Variants in THRB observed in about 807,000 individuals in gnomAD.
THRB encodes the protein thyroid hormone receptor beta.
In THRB, 12 loss-of-function variants were observed where a neutral mutation model predicts 47.8. That is an observed-to-expected ratio of 0.25 (90% CI 0.16 to 0.41). THRB has a LOEUF of 0.41. Ranked by LOEUF, THRB falls within the 10% of genes least tolerant of loss-of-function variation. The probability of loss-of-function intolerance (pLI) is 1.00; values close to 1 mark genes in which losing one functional copy is unlikely to be tolerated. For missense variants in THRB, 348 were observed against 589.2 expected (o/e 0.59, Z 4.24); for synonymous variants, 218 against 212.2 (o/e 1.03, Z -0.24).
chr3:24,408,645 G>C lies in THRB; in HGVS notation c.-260-71274C>G, dbSNP rs1317186661. Reference sequence around the variant, plus strand: ...TTTGACAGATTTTCTGTGATTAGATGCATTAAGAAATACAATCAGCATTAA... The same window carrying C: ...TTTGACAGATTTTCTGTGATTAGATCCATTAAGAAATACAATCAGCATTAA... On this transcript the variant is annotated intron_variant, in intron 1 of 10. Transcript: ENST00000646209. Among the ~76,000 whole-genome samples the C allele has an allele frequency of 9.9e-5, 15 of 151,786 alleles. 1 individual carries two copies.
At chr3:24,318,777 G>A (rs989472703) in intron 2 of THRB, among the ~76,000 whole-genome samples, 22 of 152,228 alleles carry the variant, frequency 1.4e-4, no homozygotes, top group African/African-American at 5.1e-4. Flanking sequence ...CCTGTGCATT[G>A]TTTATCAAGG....
intron 1 of THRB, among the ~76,000 whole-genome samples, chr3:24,360,493 C>T (rs1414789551): frequency 6.6e-6 from 1 of 152,162 alleles, no homozygotes; most frequent in Non-Finnish European, 1.5e-5. Context: ...CTCTATCCTG[C>T]TTCTCAAACA....
At chr3:24,399,820 A>G (rs1366007461) in intron 1 of THRB, among the ~76,000 whole-genome samples, 1 of 152,092 alleles carries the variant, frequency 6.6e-6, no homozygotes, top group East Asian at 1.9e-4. Context: ...CTGACTCTAC[A>G]CTGACATTCT....
chr3:24,222,988 C>T (rs1286885648), intron 4 of THRB, among the ~76,000 whole-genome samples: 2 of 152,178 alleles, frequency 1.3e-5, no homozygotes, highest in African/African-American at 4.8e-5. Flanking sequence ...ATGCCAGGAG[C>T]GTGTCCATCT....
intron 1 of THRB, among the ~76,000 whole-genome samples, chr3:24,369,914 C>G (rs2149732962): frequency 6.6e-6 from 1 of 152,274 alleles, no homozygotes; most frequent in Non-Finnish European, 1.5e-5. Flanking sequence ...GGAACTAACT[C>G]TGGAAACTAA....
chr3:24,387,821 A>G (rs1416239409), intron 1 of THRB, among the ~76,000 whole-genome samples: 3 of 152,102 alleles, frequency 2.0e-5, no homozygotes, highest in Admixed American at 6.6e-5. Context: ...ATCCTGTTCC[A>G]CTAGCTTCTG....
chr3:24,144,855 C>T (rs978261028), intron 7 of THRB: 20 of 151,914 alleles, frequency 1.3e-4, no homozygotes, highest in Non-Finnish European at 2.5e-4. Context: ...TCCAGTTCTA[C>T]GACATCACTG....
chr3:24,283,828 C>G (rs1426264826), intron 3 of THRB, among the ~76,000 whole-genome samples: 2 of 151,944 alleles, frequency 1.3e-5, no homozygotes, highest in Non-Finnish European at 2.9e-5. Context: ...CTCCCATTCA[C>G]AATTGCTACA....
chr3:24,342,838 T>C (rs901684039), intron 1 of THRB, among the ~76,000 whole-genome samples: 2 of 152,294 alleles, frequency 1.3e-5, no homozygotes, highest in East Asian at 1.9e-4. Context: ...ATGCCCAGGC[T>C]GCAGCAACTA....
At chr3:24,233,021 C>G (rs187656683) in intron 3 of THRB, among the ~76,000 whole-genome samples, 1 of 152,226 alleles carries the variant, frequency 6.6e-6, no homozygotes, top group African/African-American at 2.4e-5. Context: ...GCAGGTGGAG[C>G]CTTCCTCTGC....
chr3:24,278,947 T>A (rs146161879), intron 3 of THRB, among the ~76,000 whole-genome samples: 3 of 150,366 alleles, frequency 2.0e-5, no homozygotes, highest in Non-Finnish European at 4.4e-5. Context: ...TGGGATCAAG[T>A]GATCCTTCCC....
At chr3:24,272,377 A>ACAACAAC (rs1559791569) in intron 3 of THRB, among the ~76,000 whole-genome samples, 10 of 146,006 alleles carry the variant, frequency 6.8e-5, no homozygotes, top group African/African-American at 2.1e-4. Context: ...ACAACAAACA[A>ACAACAAC]AAACAAACAA....
At chr3:24,260,017 T>C (rs1156951509) in intron 3 of THRB, among the ~76,000 whole-genome samples, 4 of 152,148 alleles carry the variant, frequency 2.6e-5, no homozygotes, top group Admixed American at 6.5e-5. Context: ...TCTCATCATC[T>C]TAAAAAGAAA....
At chr3:24,183,098 C>CT (rs979365254) in intron 5 of THRB, among the ~76,000 whole-genome samples, 1 of 151,822 alleles carries the variant, frequency 6.6e-6, no homozygotes, top group Admixed American at 6.6e-5. Flanking sequence ...TTGCTATGGA[C>CT]TTTTTTTTCA....
intron 2 of THRB, among the ~76,000 whole-genome samples, chr3:24,303,802 T>TA (rs2057131324): frequency 6.6e-6 from 1 of 152,236 alleles, no homozygotes; most frequent in Admixed American, 6.5e-5. Context: ...CTAAGTTTTT[T>TA]AAAAATGGCT....
At chr3:24,316,709 C>A (rs891865263) in intron 2 of THRB, among the ~76,000 whole-genome samples, 3 of 152,110 alleles carry the variant, frequency 2.0e-5, no homozygotes, top group African/African-American at 7.2e-5. Context: ...AAGCTAAAGT[C>A]CTACTTCTCA....
chr3:24,411,094 G>C (rs1455911430), intron 1 of THRB, among the ~76,000 whole-genome samples: 1 of 151,776 alleles, frequency 6.6e-6, no homozygotes, highest in East Asian at 2.0e-4. Context: ...CTGCTGTGAA[G>C]CTGGCTTTTT....
At chr3:24,350,485 A>G (rs2063293953) in intron 1 of THRB, among the ~76,000 whole-genome samples, 1 of 152,186 alleles carries the variant, frequency 6.6e-6, no homozygotes, top group Admixed American at 6.5e-5. Flanking sequence ...AACTTGTAAT[A>G]CAGTGCAATT....
intron 3 of THRB, among the ~76,000 whole-genome samples, chr3:24,294,082 A>G (rs1421557641): frequency 1.3e-5 from 2 of 152,192 alleles, no homozygotes; most frequent in African/African-American, 2.4e-5. Flanking sequence ...CATAAGTGAC[A>G]CTGTGTGGCT....
Sources: allele counts gnomAD v4.1 joint callset (sites outside exome capture counted in the v4.1 genomes callset), GRCh38; gene constraint gnomAD v4.1.1; transcripts MANE v1.5; gene names NCBI Gene and HGNC (gene_info 2026-07-23, HGNC 2026-07-21).